The following CPVL variants were observed in gnomAD, a reference collection of about 807,000 sequenced individuals.
CPVL encodes the protein probable serine carboxypeptidase CPVL.
A neutral mutation model predicts 63.7 loss-of-function variants in CPVL; 51 were observed. That is an observed-to-expected ratio of 0.80 (90% confidence interval 0.64 to 1.01). The LOEUF (loss-of-function observed/expected upper bound fraction) is 1.01. CPVL is among the 50% of genes least tolerant of loss of function. CPVL has a pLI of 0.00. For synonymous variants in CPVL, 195 were observed against 206.0 expected (o/e 0.95, Z 0.46); for missense variants, 530 against 573.1 (o/e 0.92, Z 0.77).
At chr7:29,075,152 T>C (rs141521152) in intron 7 of CPVL, among the ~76,000 whole-genome samples, 3 of 152,260 alleles carry the variant, frequency 2.0e-5, no homozygotes, top group Non-Finnish European at 4.4e-5. Flanking sequence ...GAAGGGCATG[T>C]ACTTTAAGTT....
chr7:29,128,095 TG>T (rs1790234404), intron 1 of CPVL: 1 of 151,360 alleles, frequency 6.6e-6, no homozygotes, highest in South Asian at 2.1e-4. Context: ...CAACATGGGG[TG>T]GCTGTGACAC....
At chr7:29,168,560 G>A (rs1796199204) in intron 5 of CPVL, among the ~76,000 whole-genome samples, 1 of 152,254 alleles carries the variant, frequency 6.6e-6, no homozygotes, top group Admixed American at 6.5e-5. Flanking sequence ...AGTTTCATCT[G>A]TGTATCTCTA....
At chr7:29,096,895 G>GA (rs1434595799) in intron 3 of CPVL, among the ~76,000 whole-genome samples, 1 of 148,276 alleles carries the variant, frequency 6.7e-6, no homozygotes, top group Non-Finnish European at 1.5e-5. Flanking sequence ...AGAGACAGGA[G>GA]ACTCGCTCAA....
intron 1 of CPVL, among the ~76,000 whole-genome samples, chr7:29,189,468 C>T (rs1799132901): frequency 1.3e-5 from 2 of 152,122 alleles, no homozygotes; most frequent in South Asian, 4.1e-4. Flanking sequence ...AAACTCACTC[C>T]CTGCTTTTGC....
At chr7:29,108,985 G>A (rs1039410781) in intron 3 of CPVL, among the ~76,000 whole-genome samples, 7 of 152,152 alleles carry the variant, frequency 4.6e-5, no homozygotes, top group African/African-American at 1.7e-4. Flanking sequence ...CCAATTTCTA[G>A]TTGAGTAACT....
chr7:29,010,783 A>C (rs1785744436), intron 12 of CPVL: 1 of 152,198 alleles, frequency 6.6e-6, no homozygotes, highest in African/African-American at 2.4e-5. Context: ...TTTTATGCTT[A>C]TTAGGTGCCA....
intron 1 of CPVL, among the ~76,000 whole-genome samples, chr7:29,145,285 G>C (rs1320265900): frequency 6.6e-6 from 1 of 151,508 alleles, no homozygotes; most frequent in Non-Finnish European, 1.5e-5. Flanking sequence ...AAAAAAATGA[G>C]TTGTACATTT....
intron 5 of CPVL, among the ~76,000 whole-genome samples, chr7:29,176,165 G>A (rs1433200795): frequency 2.7e-5 from 4 of 150,250 alleles, no homozygotes; most frequent in South Asian, 2.1e-4. Flanking sequence ...CAGCCTAGGC[G>A]ACAGAGCAAG....
chr7:29,081,376 T>A (rs1285351279), intron 7 of CPVL: 1 of 152,218 alleles, frequency 6.6e-6, no homozygotes, highest in Non-Finnish European at 1.5e-5. Flanking sequence ...TGGGCAGAAA[T>A]GAAGAGGAGG....
At chr7:29,063,109 G>A (rs999425603) in intron 11 of CPVL, among the ~76,000 whole-genome samples, 1 of 152,150 alleles carries the variant, frequency 6.6e-6, no homozygotes, top group Non-Finnish European at 1.5e-5. Flanking sequence ...CCTTCCCAGT[G>A]GGAGTTCCAG....
chr7:29,074,807 G>A (rs1026062284), intron 7 of CPVL, among the ~76,000 whole-genome samples: 1 of 150,428 alleles, frequency 6.6e-6, no homozygotes, highest in African/African-American at 2.5e-5. Flanking sequence ...TACTTGAGGA[G>A]ACACAAAAAT....
intron 1 of CPVL, among the ~76,000 whole-genome samples, chr7:29,121,960 C>T (rs1562779985): frequency 6.6e-6 from 1 of 152,146 alleles, no homozygotes; most frequent in Non-Finnish European, 1.5e-5. Flanking sequence ...ACCATTAGCA[C>T]AAAGCTTTCC....
intron 1 of CPVL, among the ~76,000 whole-genome samples, chr7:29,132,465 G>C (rs566134793): frequency 6.6e-6 from 1 of 152,254 alleles, no homozygotes; most frequent in Non-Finnish European, 1.5e-5. Flanking sequence ...CAGGCAGAAA[G>C]GTTCACCTTA....
chr7:29,131,840 G>A (rs956176139), intron 1 of CPVL, among the ~76,000 whole-genome samples: 4 of 152,182 alleles, frequency 2.6e-5, no homozygotes, highest in Non-Finnish European at 5.9e-5. Context: ...AGGAGTTAGT[G>A]TAGCACTTCA....
intron 2 of CPVL, among the ~76,000 whole-genome samples, chr7:29,119,739 A>T (rs1189045877): frequency 6.6e-6 from 1 of 152,182 alleles, no homozygotes; most frequent in African/African-American, 2.4e-5. Context: ...TCTTATCTTA[A>T]TGAGAAAACT....
intron 6 of CPVL, among the ~76,000 whole-genome samples, chr7:29,088,413 T>C (rs1205161209): frequency 2.6e-5 from 4 of 152,158 alleles, no homozygotes; most frequent in Admixed American, 6.5e-5. Context: ...GAGGAAGTTA[T>C]CATCGAGTTT....
intron 8 of CPVL, 55 bp from the exon 9 acceptor site, chr7:29,071,959 A>T (rs781658305): frequency 1.2e-6 from 2 of 1,601,696 alleles, no homozygotes; most frequent in Admixed American, 1.7e-5. Flanking sequence ...AGAGACCTTA[A>T]GGAAGCCCAT....
At chr7:29,060,090 T>G (rs1562746604) in intron 11 of CPVL, among the ~76,000 whole-genome samples, 1 of 152,208 alleles carries the variant, frequency 6.6e-6, no homozygotes, top group African/African-American at 2.4e-5. Context: ...TTTCCAGGGT[T>G]TCTTGTATAA....
intron 5 of CPVL, among the ~76,000 whole-genome samples, chr7:29,167,900 C>T (rs28421111): frequency 0.17 from 25,311 of 152,120 alleles, 2,414 homozygotes; most frequent in African/African-American, 0.25. Flanking sequence ...TGCAAAAACC[C>T]CCATGCTTTC....
Sources: allele counts gnomAD v4.1 joint callset (sites outside exome capture counted in the v4.1 genomes callset), GRCh38; gene constraint gnomAD v4.1.1; transcripts MANE v1.5; gene names NCBI Gene and HGNC (gene_info 2026-07-23, HGNC 2026-07-21).